The following ANKS1B variants were observed in gnomAD, a reference collection of about 807,000 sequenced individuals.
The protein encoded by ANKS1B is ankyrin repeat and sterile alpha motif domain-containing protein 1B.
Under a neutral mutation model 148.3 loss-of-function variants are expected in ANKS1B, and 36 were observed. The observed-to-expected ratio is 0.24, with a 90% CI of 0.19 to 0.32. ANKS1B has a LOEUF of 0.32. Among genes scored for constraint, ANKS1B ranks in the 10% least tolerant of loss-of-function variants. ANKS1B has a pLI of 1.00. For missense variants in ANKS1B, 1,157 were observed against 1,542.6 expected, an observed-to-expected ratio of 0.75 and a Z score of 4.19; for synonymous variants, 542 against 560.8, an observed-to-expected ratio of 0.97 and a Z score of 0.47.
intron 15 of ANKS1B, among the ~76,000 whole-genome samples, chr12:99,091,373 C>T (rs766905324): frequency 5.4e-4 from 82 of 152,074 alleles, no homozygotes; most frequent in Non-Finnish European, 9.4e-4. Context: ...GTTAAAGTAT[C>T]GAGCAGGATT....
chr12:99,590,756 C>G (rs1378166596), intron 9 of ANKS1B, among the ~76,000 whole-genome samples: 1 of 152,146 alleles, frequency 6.6e-6, no homozygotes, highest in African/African-American at 2.4e-5. Context: ...TAGACTCAAA[C>G]AGTGGTTATT....
At chr12:99,313,456 CACA>C (rs988847495) in intron 12 of ANKS1B, among the ~76,000 whole-genome samples, 5 of 152,204 alleles carry the variant, frequency 3.3e-5, no homozygotes, top group South Asian at 2.1e-4. Context: ...CGGGCAGAGA[CACA>C]ACAACAACAA....
chr12:99,611,225 G>T (rs1294563395), intron 9 of ANKS1B, among the ~76,000 whole-genome samples: 1 of 152,034 alleles, frequency 6.6e-6, no homozygotes. Flanking sequence ...TTATTTTACA[G>T]ATATTTTTAA....
intron 1 of ANKS1B, among the ~76,000 whole-genome samples, chr12:99,968,956 G>C (rs965146982): frequency 1.3e-5 from 2 of 152,152 alleles, no homozygotes; most frequent in African/African-American, 4.8e-5. Context: ...GCAGATGCCA[G>C]CACCATGCTT....
intron 11 of ANKS1B, among the ~76,000 whole-genome samples, chr12:99,432,699 G>C (rs1336668066): frequency 6.6e-6 from 1 of 152,134 alleles, no homozygotes; most frequent in Non-Finnish European, 1.5e-5. Context: ...CTCTCATAAG[G>C]TAGTATTTGA....
At chr12:99,680,125 G>C (rs2098605577) in intron 8 of ANKS1B, among the ~76,000 whole-genome samples, 1 of 152,134 alleles carries the variant, frequency 6.6e-6, no homozygotes, top group Non-Finnish European at 1.5e-5. Context: ...AACAAATTTA[G>C]ACAGCCAAGC....
intron 25 of ANKS1B, among the ~76,000 whole-genome samples, chr12:98,770,880 A>T (rs2098556614): frequency 6.6e-6 from 1 of 152,222 alleles, no homozygotes; most frequent in Non-Finnish European, 1.5e-5. Flanking sequence ...TGAATACGTG[A>T]TTCCTGATTC....
intron 9 of ANKS1B, among the ~76,000 whole-genome samples, chr12:99,572,792 GATA>G (rs1196340407): frequency 9.2e-5 from 14 of 151,832 alleles, no homozygotes; most frequent in African/African-American, 3.1e-4. Context: ...CCATATCTGT[GATA>G]ATAATAGCAA....
intron 2 of ANKS1B, among the ~76,000 whole-genome samples, chr12:99,822,507 T>C (rs2082639055): frequency 6.6e-6 from 1 of 152,178 alleles, no homozygotes; most frequent in Non-Finnish European, 1.5e-5. Flanking sequence ...AAGTAGCCAG[T>C]ATTAAGTTCC....
At chr12:98,956,794 G>A (rs1240358844) in intron 17 of ANKS1B, among the ~76,000 whole-genome samples, 1 of 152,028 alleles carries the variant, frequency 6.6e-6, no homozygotes, top group Non-Finnish European at 1.5e-5. Context: ...ACGCAGACTT[G>A]GTTCCTGCCC....
chr12:98,833,497 T>C (rs1180859409), intron 17 of ANKS1B, among the ~76,000 whole-genome samples: 2 of 152,216 alleles, frequency 1.3e-5, no homozygotes, highest in African/African-American at 2.4e-5. Context: ...CGTTATCCCA[T>C]GTGTACATTT....
intron 9 of ANKS1B, chr12:99,648,425 A>G (rs755181903): frequency 1.2e-6 from 2 of 1,614,018 alleles, no homozygotes; most frequent in African/African-American, 2.7e-5. Flanking sequence ...ACACTACCTG[A>G]TGTCATGCTG....
At chr12:99,141,672 G>A (rs187630057) in intron 15 of ANKS1B, among the ~76,000 whole-genome samples, 315 of 151,558 alleles carry the variant, frequency 2.1e-3, no homozygotes, top group African/African-American at 6.8e-3. Context: ...AAATGAGAAC[G>A]GGCAGTGTTT....
chr12:99,305,719 A>T (rs1046508151), intron 12 of ANKS1B, among the ~76,000 whole-genome samples: 3 of 152,158 alleles, frequency 2.0e-5, no homozygotes, highest in Non-Finnish European at 4.4e-5. Context: ...GAAAGCTTGA[A>T]TAACCACAGA....
At chr12:99,104,323 C>T (rs931340709) in intron 15 of ANKS1B, among the ~76,000 whole-genome samples, 2 of 152,040 alleles carry the variant, frequency 1.3e-5, no homozygotes, top group African/African-American at 4.8e-5. Context: ...AAGTTATTTG[C>T]TAATCTTACT....
chr12:99,682,059 G>A (rs967311065), intron 8 of ANKS1B, among the ~76,000 whole-genome samples: 2 of 152,108 alleles, frequency 1.3e-5, no homozygotes, highest in African/African-American at 4.8e-5. Context: ...TAGTCCAACA[G>A]GAAAATATCA....
chr12:99,327,301 G>GTAATTATAATTACATATATA (rs1555388768), intron 12 of ANKS1B, among the ~76,000 whole-genome samples: 6 of 99,240 alleles, frequency 6.0e-5, no homozygotes, highest in African/African-American at 3.2e-4. Context: ...TATAAAATAT[G>GTAATTATAATTACATATATA]TAATTATATA....
At chr12:98,901,179 G>A (rs1412464374) in intron 17 of ANKS1B, among the ~76,000 whole-genome samples, 1 of 152,186 alleles carries the variant, frequency 6.6e-6, no homozygotes, top group Non-Finnish European at 1.5e-5. Context: ...AAGAAAGCTT[G>A]GGACATGTTG....
intron 14 of ANKS1B, among the ~76,000 whole-genome samples, chr12:99,171,087 C>T (rs1015475108): frequency 6.6e-6 from 1 of 152,208 alleles, no homozygotes; most frequent in Non-Finnish European, 1.5e-5. Context: ...CTGTCTTTTA[C>T]ATCTTGTGAT....
Sources: allele counts gnomAD v4.1 joint callset (sites outside exome capture counted in the v4.1 genomes callset), GRCh38; gene constraint gnomAD v4.1.1; transcripts MANE v1.5; gene names NCBI Gene and HGNC (gene_info 2026-07-23, HGNC 2026-07-21).